FGF14: variants seen among roughly 807,000 people sequenced by gnomAD.
The protein encoded by FGF14 is fibroblast growth factor 14.
A neutral mutation model predicts 25.5 loss-of-function variants in FGF14; 5 were observed. The ratio of observed to expected loss-of-function variants is 0.20; its 90% CI spans 0.10 to 0.41. The LOEUF is 0.41. Ranked by LOEUF, FGF14 falls within the 10% of genes least tolerant of loss-of-function variation. The pLI is 1.00. For synonymous variants in FGF14, 138 were observed against 118.3 expected, an observed-to-expected ratio of 1.17 and a Z score of -1.08; for missense variants, 222 against 320.1, an observed-to-expected ratio of 0.69 and a Z score of 2.34.
intron 1 of FGF14, among the ~76,000 whole-genome samples, chr13:101,998,963 C>T (rs1160367838): frequency 1.3e-5 from 2 of 152,044 alleles, no homozygotes; most frequent in Non-Finnish European, 2.9e-5. Context: ...CTCTATAAGC[C>T]AAAAATTTAA....
At chr13:101,907,310 T>G (rs1027800267) in intron 1 of FGF14, among the ~76,000 whole-genome samples, 1 of 152,114 alleles carries the variant, frequency 6.6e-6, no homozygotes, top group Non-Finnish European at 1.5e-5. Flanking sequence ...TCACATGGAA[T>G]AGTTAACGTA....
At chr13:101,880,104 G>A (rs550598629) in intron 1 of FGF14, among the ~76,000 whole-genome samples, 1 of 152,176 alleles carries the variant, frequency 6.6e-6, no homozygotes, top group South Asian at 2.1e-4. Flanking sequence ...TTCCCTCTAG[G>A]AACCTGGTTC....
At chr13:101,781,024 C>T (rs773976781) in intron 3 of FGF14, among the ~76,000 whole-genome samples, 5 of 152,054 alleles carry the variant, frequency 3.3e-5, no homozygotes, top group African/African-American at 4.8e-5. Context: ...ATGATCCTCG[C>T]GCTTGCTACT....
At chr13:102,171,958 T>C (rs1394968368) in intron 1 of FGF14, among the ~76,000 whole-genome samples, 1 of 148,124 alleles carries the variant, frequency 6.8e-6, no homozygotes, top group Non-Finnish European at 1.5e-5. Flanking sequence ...CAAAAAAAGA[T>C]ATGCACTTAC....
chr13:102,173,831 G>A (rs938524417), intron 1 of FGF14, among the ~76,000 whole-genome samples: 1 of 151,988 alleles, frequency 6.6e-6, no homozygotes, highest in Non-Finnish European at 1.5e-5. Context: ...AGGGGTAGGG[G>A]GGTATGGGAA....
At chr13:102,098,838 A>C (rs1393094502) in intron 1 of FGF14, among the ~76,000 whole-genome samples, 1 of 152,232 alleles carries the variant, frequency 6.6e-6, no homozygotes, top group African/African-American at 2.4e-5. Flanking sequence ...GATTTTAACT[A>C]GAGGTAAAGT....
chr13:101,757,918 C>T (rs1486798267), intron 3 of FGF14, among the ~76,000 whole-genome samples: 1 of 152,092 alleles, frequency 6.6e-6, no homozygotes, highest in Non-Finnish European at 1.5e-5. Flanking sequence ...GTAGCCTGGT[C>T]CTAATTTCTA....
chr13:101,802,599 G>GA (rs1182214810), intron 3 of FGF14: 1 of 152,878 alleles, frequency 6.5e-6, no homozygotes, highest in Non-Finnish European at 1.5e-5. Context: ...AAGTGGTCTA[G>GA]AAATTGTCAG....
intron 1 of FGF14, among the ~76,000 whole-genome samples, chr13:102,153,370 C>G (rs77318018): frequency 2.6e-5 from 4 of 152,128 alleles, no homozygotes; most frequent in Admixed American, 6.5e-5. Flanking sequence ...ATAGAAAGAA[C>G]TTGATTCTTG....
chr13:102,258,157 A>G (rs916727185), intron 1 of FGF14, among the ~76,000 whole-genome samples: 2 of 152,182 alleles, frequency 1.3e-5, no homozygotes, highest in African/African-American at 4.8e-5. Flanking sequence ...TACCATGAGA[A>G]GAGTATGGGG....
chr13:101,923,362 T>C (rs764294392), intron 1 of FGF14, among the ~76,000 whole-genome samples: 6 of 152,098 alleles, frequency 3.9e-5, no homozygotes, highest in Non-Finnish European at 7.4e-5. Context: ...ATGATATATA[T>C]TGGCATTTGT....
chr13:101,811,511 A>G (rs1304084174), intron 3 of FGF14, among the ~76,000 whole-genome samples: 1 of 152,222 alleles, frequency 6.6e-6, no homozygotes, highest in Admixed American at 6.5e-5. Context: ...CTATGCTCAT[A>G]CTAAAGTGCA....
chr13:102,400,207 G>GT lies in FGF14; in HGVS notation c.208+1263dup, dbSNP rs2058671340. Reference sequence around the variant, plus strand: ...CCAGTCGCTGGGGCTCTGGGTGCCAGTGCGGCCCCCGGCAGAGCCCAGGGC... The same window carrying GT: ...CCAGTCGCTGGGGCTCTGGGTGCCAGTTGCGGCCCCCGGCAGAGCCCAGGGC... On this transcript the variant is annotated intron_variant, in intron 1 of 4. Coordinates refer to the FGF14 transcript ENST00000376131. The surrounding 1 kb of genome is among the most constrained non-coding windows in gnomAD (Gnocchi z 4.3). 6.6e-6 allele frequency among the ~76,000 whole-genome samples: 1 copy of GT among 152,164 alleles called. No homozygotes were observed. Among genetic ancestry groups the GT allele is most frequent in the Non-Finnish European group, 1.5e-5 (1 of 68,022 alleles).
At chr13:101,969,900 T>C (rs1166134609) in intron 1 of FGF14, among the ~76,000 whole-genome samples, 1 of 152,132 alleles carries the variant, frequency 6.6e-6, no homozygotes, top group Admixed American at 6.5e-5. Flanking sequence ...AAAAACTGAG[T>C]GTTCATTTCT....
intron 1 of FGF14, among the ~76,000 whole-genome samples, chr13:102,378,152 C>T (rs1415833758): frequency 6.6e-6 from 1 of 152,058 alleles, no homozygotes; most frequent in African/African-American, 2.4e-5. Flanking sequence ...TTGTCTAAAC[C>T]CATGGAGCAC....
chr13:101,897,748 T>C (rs2030913674), intron 1 of FGF14, among the ~76,000 whole-genome samples: 1 of 152,176 alleles, frequency 6.6e-6, no homozygotes, highest in Non-Finnish European at 1.5e-5. Context: ...ATACTAGTAG[T>C]ATTAGTAGCA....
intron 1 of FGF14, among the ~76,000 whole-genome samples, chr13:102,136,933 G>T (rs2046438643): frequency 6.6e-6 from 1 of 152,192 alleles, no homozygotes; most frequent in African/African-American, 2.4e-5. Context: ...TCAAGACGGG[G>T]AGAAAACCTG....
At chr13:102,003,127 A>G (rs1320350950) in intron 1 of FGF14, 2 of 152,228 alleles carry the variant, frequency 1.3e-5, no homozygotes, top group African/African-American at 2.4e-5. Flanking sequence ...AAAATTTATA[A>G]TATTAAAGCA....
At chr13:101,833,128 G>C (rs9585791) in intron 3 of FGF14, among the ~76,000 whole-genome samples, 5,769 of 152,010 alleles carry the variant, frequency 0.038, 366 homozygotes, top group African/African-American at 0.13. Context: ...GGCCAGGGTG[G>C]GTAGGAGGTA....
Sources: gnomAD v4.1 joint callset for allele counts (sites outside exome capture counted in the v4.1 genomes callset) on GRCh38, gnomAD v4.1.1 for gene constraint, Gnocchi (gnomAD v3.1) non-coding constraint, MANE v1.5 for transcripts, NCBI Gene and HGNC (gene_info 2026-07-23, HGNC 2026-07-21) for gene names.